The following AKR7A3 variants were observed in gnomAD, a reference collection of about 807,000 sequenced individuals.
The protein encoded by AKR7A3 is aldo-keto reductase family 7 member A3, also known as AFB1 aldehyde reductase 2.
AKR7A3 carries 37 observed loss-of-function variants against 32.5 expected under a neutral mutation model. The observed-to-expected ratio is 1.14, with a 90% CI of 0.88 to 1.50. The LOEUF is 1.50. AKR7A3 is among the 40% of genes most tolerant of loss of function. The pLI, the probability that AKR7A3 is intolerant of heterozygous loss-of-function variation, is 0.00. For missense variants in AKR7A3, 412 were observed against 453.2 expected (o/e 0.91, Z 0.83); for synonymous variants, 177 against 188.4 (o/e 0.94, Z 0.50).
chr1:19,274,621 T>C, the AKR7A3 span, among the ~76,000 whole-genome samples: 2 of 151,598 alleles, frequency 1.3e-5, no homozygotes, highest in Non-Finnish European at 2.9e-5. Flanking sequence ...AAAAGAACTG[T>C]TGGCATTGAA....
Position 19,282,675 on chromosome 1 carries a change from T to C in AKR7A3, c.*56A>G. 9 of 1,612,878 alleles carry C rather than the reference T, an allele frequency of 5.6e-6. No individual in the cohort carries two copies. The South Asian group carries it at 6.6e-5, about 12-fold the overall frequency. On this transcript the variant is annotated 3_prime_UTR_variant, in exon 7 of 7. Coordinates refer to ENST00000361640, the MANE Select transcript of AKR7A3 (RefSeq NM_012067.3). ...TGAGGCAGTTCTAAATTAAAGAAAA[T>C]GTGAGTAACAAAAGATGTTACAGAA...
intron 5 of AKR7A3, 43 bp downstream of exon 5, chr1:19,284,643 C>G: frequency 6.3e-7 from 1 of 1,599,316 alleles, no homozygotes; most frequent in Non-Finnish European, 8.6e-7. Flanking sequence ...CCACATAAAG[C>G]TGACCCCACC....
chr1:19,288,630 G>A lies in AKR7A3; in HGVS notation c.80C>T (p.Thr27Ile), dbSNP rs2093735500. Residue 27 changes from threonine to isoleucine, a missense_variant, in exon 1 of 7, where the codon ACC becomes ATC. Physicochemically the swap from Thr to Ile is moderately conservative, Grantham distance 89 (BLOSUM62 -1). Transcript: ENST00000361640. ...MEMGRRMDAP[T>I]SAAVTRAFLE... ...GAAGGCGCGCGTGACTGCGGCGCTG[G>A]TGGGCGCGTCCATGCGGCGCCCCAT... is the stretch of plus-strand genomic sequence containing the variant. 5.1e-6 allele frequency: 8 copies of A among 1,557,736 alleles called. No homozygotes were observed. The highest frequency in any genetic ancestry group is 6.1e-6 in the Non-Finnish European group (7 of 1,152,144).
rs146054429 is a variant in AKR7A3 at position 19,286,533 on chromosome 1, A to G, written c.215-161T>C. 3.0e-3 allele frequency among the ~76,000 whole-genome samples: 459 copies of G among 151,910 alleles called. 12 individuals carry two copies. The East Asian group carries it at 0.04, about 13-fold the overall frequency. On this transcript the variant is annotated intron_variant, in intron 1 of 6. Transcript: ENST00000361640. ...CATCTCTAATAAAAACACAAAAATT[A>G]GCTGGGCATAGTGGAGCCCGCCTGT...
chr1:19,287,166 G>C (rs887775219), intron 1 of AKR7A3, among the ~76,000 whole-genome samples: 1 of 151,524 alleles, frequency 6.6e-6, no homozygotes, highest in Non-Finnish European at 1.5e-5. Flanking sequence ...AAAATTAGCC[G>C]GGTGTGGTGC....
Position 19,286,270 on chromosome 1 carries a change from C to A in AKR7A3, c.317G>T (p.Arg106Leu). ...CATATGCAGGTAGAAGAGGTCCACT[C>A]GGGGACACTGCAGCCGCTTCAGTGA... ...ETSLKRLQCP[R>L]VDLFYLHMPD... The change falls in exon 2 of 7, where the codon CGA becomes CTA. Residue 106 changes from arginine (R) to leucine (L), a missense_variant. Coordinates refer to ENST00000361640, the MANE Select transcript of AKR7A3 (RefSeq NM_012067.3). The A allele has an allele frequency of 6.2e-7, 1 of 1,613,822 alleles. No homozygotes were observed. The highest frequency in any genetic ancestry group is 8.5e-7 in the Non-Finnish European group (1 of 1,180,022).
chr1:19,286,308 G>C lies in AKR7A3; in HGVS notation c.279C>G (p.Phe93Leu). Residue 93 changes from phenylalanine (F) to leucine (L), a missense_variant, in exon 2 of 7, where the codon TTC becomes TTG. Phe to Leu is a conservative substitution (Grantham distance 22). Transcript: ENST00000361640. ...GNSLKPDSLR[F>L]QLETSLKRLQ... ...GCCGCTTCAGTGACGTCTCCAGCTG[G>C]AACCGGAGACTGTCAGGCTTCAGGG... The C allele has an allele frequency of 1.9e-6, 3 of 1,613,952 alleles. No homozygotes were observed. The highest frequency in any genetic ancestry group is 2.5e-6 in the Non-Finnish European group (3 of 1,180,038).
chr1:19,286,090 C>A, intron 2 of AKR7A3, 95 bp downstream of exon 2: 1 of 1,588,660 alleles, frequency 6.3e-7, no homozygotes, highest in Non-Finnish European at 8.6e-7. Flanking sequence ...CCCTGCTCCA[C>A]CCTGGAACAG....
chr1:19,274,807 T>A, the AKR7A3 span, among the ~76,000 whole-genome samples: 446 of 137,252 alleles, frequency 3.2e-3, 3 homozygotes, highest in Non-Finnish European at 4.1e-3. Flanking sequence ...AAGAAGAAGA[T>A]AGAAAAATGG....
intron 5 of AKR7A3, 146 bp downstream of exon 5, chr1:19,284,540 C>T (rs772818997): frequency 2.4e-5 from 22 of 915,226 alleles, no homozygotes; most frequent in African/African-American, 1.0e-4. Flanking sequence ...ACAAGAAAAC[C>T]GATGGAGGGT....
the AKR7A3 span, among the ~76,000 whole-genome samples, chr1:19,277,361 G>GTAA: frequency 6.6e-6 from 1 of 151,896 alleles, no homozygotes; most frequent in Admixed American, 6.5e-5. Context: ...GATCAAAGAT[G>GTAA]TAATCTCAAG....
rs1296684155 is a variant in AKR7A3, at chr1:19,286,278, C to T, written c.309G>A (p.Gln103=). 3.1e-6 allele frequency: 5 copies of T among 1,613,924 alleles called. No individual in the cohort carries two copies. The highest frequency in any genetic ancestry group is 2.2e-5 in the South Asian group (2 of 91,086). ...FQLETSLKRL[Q]CPRVDLFYLH... Reference sequence around the variant, plus strand: ...GGTAGAAGAGGTCCACTCGGGGACACTGCAGCCGCTTCAGTGACGTCTCCA... The same window carrying T: ...GGTAGAAGAGGTCCACTCGGGGACATTGCAGCCGCTTCAGTGACGTCTCCA... Residue 103 remains glutamine, a synonymous_variant, in exon 2 of 7, where the codon CAG becomes CAA. Coordinates refer to ENST00000361640, the MANE Select transcript of AKR7A3 (RefSeq NM_012067.3).
chr1:19,283,327 G>C (rs550451980), intron 6 of AKR7A3, among the ~76,000 whole-genome samples: 2 of 151,914 alleles, frequency 1.3e-5, no homozygotes, highest in African/African-American at 4.9e-5. Flanking sequence ...GAGGCACTGA[G>C]AGAGGGAAAC....
chr1:19,282,706 T>A lies in AKR7A3; in HGVS notation c.*25A>T. 1 of 1,613,792 alleles carries A rather than the reference T, an allele frequency of 6.2e-7. No individual in the cohort carries two copies. Among genetic ancestry groups the A allele is most frequent in the Non-Finnish European group, 8.5e-7 (1 of 1,180,014 alleles). ...TAACAAAAGATGTTACAGAAGAGCC[T>A]TGGGCAGCCTGAGAAACGATGGGCC... is the stretch of plus-strand genomic sequence containing the variant. On this transcript the variant is annotated 3_prime_UTR_variant, in exon 7 of 7. Coordinates refer to ENST00000361640, the MANE Select transcript of AKR7A3 (RefSeq NM_012067.3).
At chr1:19,284,594 A>C (rs2093725630) in intron 5 of AKR7A3, 92 bp downstream of exon 5, 3 of 1,334,856 alleles carry the variant, frequency 2.2e-6, no homozygotes, top group South Asian at 2.4e-5. Flanking sequence ...TGCAGCAGCG[A>C]GGAAAGGCCT....
At chr1:19,276,539 T>C in the AKR7A3 span, among the ~76,000 whole-genome samples, 1 of 150,698 alleles carries the variant, frequency 6.6e-6, no homozygotes, top group Non-Finnish European at 1.5e-5. Flanking sequence ...TGGTGGCTCA[T>C]GTCTGTAATC....
At chr1:19,276,974 C>T in the AKR7A3 span, among the ~76,000 whole-genome samples, 5 of 151,454 alleles carry the variant, frequency 3.3e-5, no homozygotes, top group African/African-American at 1.2e-4. Flanking sequence ...ATTAGCCGGG[C>T]GTGGTGGCTC....
At chr1:19,281,362 G>T (rs1421035833), downstream of AKR7A3, among the ~76,000 whole-genome samples, 1 of 151,898 alleles carries the variant, frequency 6.6e-6, no homozygotes, top group Non-Finnish European at 1.5e-5. Context: ...AGCTGGCTGG[G>T]TGTGGTGGCT....
In AKR7A3 at chr1:19,285,939, C is replaced by A. The variant is rs1198234548; in HGVS notation, c.456G>T (p.Glu152Asp). ...CGTTGCTCTTGCAGAGGGTACAGAT[C>A]TCGGCCACTTCCCAGGCTGCATAGT... ...LSNYAAWEVAEICTLCKSNGW... is the reference protein window; with the variant it reads ...LSNYAAWEVADICTLCKSNGW... The change falls in exon 3 of 7, where the codon GAG becomes GAT. Residue 152 changes from glutamate to aspartate, a missense_variant. Physicochemically the swap from Glu to Asp is conservative, Grantham distance 45. Transcript: ENST00000361640. 6 of 1,613,692 alleles carry A rather than the reference C, an allele frequency of 3.7e-6. No homozygotes were observed. The highest frequency in any genetic ancestry group is 5.1e-6 in the Non-Finnish European group (6 of 1,179,908).
Sources: allele counts gnomAD v4.1 joint callset (sites outside exome capture counted in the v4.1 genomes callset), GRCh38; gene constraint gnomAD v4.1.1; transcripts MANE v1.5; gene names NCBI Gene and HGNC (gene_info 2026-07-23, HGNC 2026-07-21).